Variants in TRPM3 observed in about 807,000 individuals in gnomAD.
TRPM3 encodes the protein transient receptor potential cation channel subfamily M member 3.
TRPM3 carries 77 observed loss-of-function variants against 181.2 expected under a neutral mutation model. The observed-to-expected ratio is 0.42, with a 90% CI of 0.35 to 0.51. The LOEUF is 0.51. Ranked by LOEUF, TRPM3 falls within the 20% of genes least tolerant of loss-of-function variation. TRPM3 has a pLI of 0.01. For synonymous variants in TRPM3, 745 were observed against 796.4 expected (o/e 0.94, Z 1.09); for missense variants, 1,759 against 2,196.7 (o/e 0.80, Z 3.98).
At chr9:70,856,084 A>G (rs752543772) in intron 3 of TRPM3, among the ~76,000 whole-genome samples, 1 of 152,248 alleles carries the variant, frequency 6.6e-6, no homozygotes, top group Non-Finnish European at 1.5e-5. Flanking sequence ...AACTCCAGTA[A>G]GCATATAAAC....
intron 5 of TRPM3, 110 bp downstream of exon 5, chr9:70,842,893 A>G (rs980932112): frequency 1.1e-5 from 12 of 1,065,590 alleles, no homozygotes; most frequent in South Asian, 5.6e-5. Context: ...TTTAGTGAGT[A>G]GAGACCCAAA....
At chr9:70,751,119 TAA>T (rs2076066990) in intron 8 of TRPM3, among the ~76,000 whole-genome samples, 1 of 152,010 alleles carries the variant, frequency 6.6e-6, no homozygotes, top group South Asian at 2.1e-4. Flanking sequence ...AATTTACCAC[TAA>T]AAATAGAGCA....
chr9:71,166,544 A>G (rs1411167), intron 1 of TRPM3, among the ~76,000 whole-genome samples: 61,186 of 151,700 alleles, frequency 0.4, 12,590 homozygotes, highest in East Asian at 0.51. Context: ...CTGACCTGAC[A>G]CTGGAGTATA....
At chr9:70,999,434 A>G (rs2097576211) in intron 1 of TRPM3, among the ~76,000 whole-genome samples, 1 of 152,206 alleles carries the variant, frequency 6.6e-6, no homozygotes, top group Non-Finnish European at 1.5e-5. Flanking sequence ...AATAATAAGC[A>G]GAATTGGTGG....
chr9:71,398,598 A>G (rs1189902598), intron 1 of TRPM3, among the ~76,000 whole-genome samples: 1 of 152,128 alleles, frequency 6.6e-6, no homozygotes, highest in East Asian at 1.9e-4. Context: ...TGCTCCACCA[A>G]GGTAAAACGT....
intron 1 of TRPM3, among the ~76,000 whole-genome samples, chr9:71,348,799 G>A (rs746384832): frequency 3.3e-5 from 5 of 151,748 alleles, no homozygotes; most frequent in Non-Finnish European, 4.4e-5. Flanking sequence ...TCAAACTCCC[G>A]GCCTCAAATG....
chr9:70,646,237 G>A (rs1337360335), intron 9 of TRPM3, among the ~76,000 whole-genome samples: 1 of 152,106 alleles, frequency 6.6e-6, no homozygotes, highest in African/African-American at 2.4e-5. Context: ...TGTACCCAAA[G>A]GATTATAAAT....
At chr9:70,845,825 C>T (rs1242294359) in intron 4 of TRPM3, among the ~76,000 whole-genome samples, 2 of 152,232 alleles carry the variant, frequency 1.3e-5, no homozygotes, top group South Asian at 4.1e-4. Context: ...GAGAATGCGT[C>T]TATATCACAA....
At chr9:71,355,005 G>C (rs2091835998) in intron 1 of TRPM3, among the ~76,000 whole-genome samples, 1 of 152,096 alleles carries the variant, frequency 6.6e-6, no homozygotes, top group Non-Finnish European at 1.5e-5. Context: ...TTAGTTCTTT[G>C]AGCTGCTAAC....
At chr9:70,959,956 T>C (rs1301201071) in intron 1 of TRPM3, among the ~76,000 whole-genome samples, 1 of 152,172 alleles carries the variant, frequency 6.6e-6, no homozygotes, top group East Asian at 1.9e-4. Flanking sequence ...ACTATACTGA[T>C]GATAAGACCC....
rs968510480 is a variant in TRPM3, at chr9:70,972,740, A to G, written c.178-108229T>C. Among the ~76,000 whole-genome samples the G allele has an allele frequency of 3.9e-5, 6 of 152,006 alleles. 1 individual carries two copies. Among genetic ancestry groups the G allele is most frequent in the African/African-American group, 1.2e-4 (5 of 41,472 alleles). Reference sequence around the variant, plus strand: ...GAATCAGTGTAGATGTTACTTTTCTATGTCTCAGTGGACAAAGAGAATCCA... The same window carrying G: ...GAATCAGTGTAGATGTTACTTTTCTGTGTCTCAGTGGACAAAGAGAATCCA... On this transcript the variant is annotated intron_variant, in intron 1 of 25. Transcript: ENST00000677713.
intron 9 of TRPM3, among the ~76,000 whole-genome samples, chr9:70,675,143 C>T (rs1053542729): frequency 1.3e-5 from 2 of 151,998 alleles, no homozygotes. Flanking sequence ...TCTTGTCACC[C>T]GATCTGGAGT....
intron 1 of TRPM3, among the ~76,000 whole-genome samples, chr9:71,405,238 C>T (rs957780022): frequency 1.3e-5 from 2 of 152,162 alleles, no homozygotes; most frequent in African/African-American, 2.4e-5. Context: ...TTAAATTTTG[C>T]ACTTGCTTAC....
chr9:70,619,161 C>G, intron 16 of TRPM3, 66 bp from the exon 17 acceptor site: 2 of 1,377,874 alleles, frequency 1.5e-6, no homozygotes, highest in Non-Finnish European at 2.0e-6. Context: ...TAAAAGTGGA[C>G]CTGCTGGCCA....
chr9:71,124,457 C>T (rs755506560), upstream of TRPM3, among the ~76,000 whole-genome samples: 1 of 152,160 alleles, frequency 6.6e-6, no homozygotes, highest in African/African-American at 2.4e-5. Flanking sequence ...AATAATCATA[C>T]TAGCTTTCAG....
chr9:70,933,733 T>C (rs1328298792), intron 1 of TRPM3, among the ~76,000 whole-genome samples: 1 of 151,550 alleles, frequency 6.6e-6, no homozygotes, highest in Non-Finnish European at 1.5e-5. Flanking sequence ...TGTTTAAAGA[T>C]GTGTGAAGCT....
intron 1 of TRPM3, among the ~76,000 whole-genome samples, chr9:70,865,896 A>C (rs1368799127): frequency 6.6e-6 from 1 of 152,114 alleles, no homozygotes; most frequent in Admixed American, 6.6e-5. Flanking sequence ...CGTGCCTCAG[A>C]GACCCTCAGG....
Position 70,580,788 on chromosome 9 carries a change from C to G in TRPM3, c.3223+10243G>C, listed in dbSNP as rs1341863292. Among the ~76,000 whole-genome samples, 8 of 152,334 alleles carry G rather than the reference C, an allele frequency of 5.3e-5. No homozygotes were observed. The East Asian group carries it at 1.5e-3, about 29-fold the overall frequency. On this transcript the variant is annotated intron_variant, in intron 22 of 25. Coordinates refer to ENST00000677713, the MANE Select transcript of TRPM3 (RefSeq NM_001366145.2). The stretch of plus-strand genomic sequence containing the variant: ...CTCAGAGTGCATCTGGCCCGCCCTC[C>G]CTTTTCTCTTCCCCTTTTCCTACTG...
chr9:70,560,258 C>CA lies in TRPM3; in HGVS notation c.3224-6949dup, dbSNP rs374024149. ...TAATGCCAGAACCATTCCATATATC[C>CA]AAAAAATACTGAGTTCCTGCTATGT... On this transcript the variant is annotated intron_variant, in intron 22 of 25. Transcript: ENST00000677713. Among the ~76,000 whole-genome samples, 748 of 152,170 alleles carry CA rather than the reference C, an allele frequency of 4.9e-3. 3 individuals are homozygous for CA. The highest frequency in any genetic ancestry group is 7.9e-3 in the Non-Finnish European group (535 of 67,980).
Sources: gnomAD v4.1 joint callset for allele counts (sites outside exome capture counted in the v4.1 genomes callset) on GRCh38, gnomAD v4.1.1 for gene constraint, MANE v1.5 for transcripts, NCBI Gene and HGNC (gene_info 2026-07-23, HGNC 2026-07-21) for gene names.